The following PPP6R3 variants were observed in gnomAD, a reference collection of about 807,000 sequenced individuals.
The protein encoded by PPP6R3 is serine/threonine-protein phosphatase 6 regulatory subunit 3.
In PPP6R3, 38 loss-of-function variants were observed where a neutral mutation model predicts 110.7. The observed-to-expected ratio is 0.34, with a 90% confidence interval of 0.26 to 0.45. The LOEUF (loss-of-function observed/expected upper bound fraction) is 0.45, where lower values mean the gene tolerates loss of function less well. Among genes scored for constraint, PPP6R3 ranks in the 20% least tolerant of loss-of-function variants. The pLI is 1.00. For missense variants in PPP6R3, 870 were observed against 1,062.4 expected, an observed-to-expected ratio of 0.82 and a Z score of 2.52; for synonymous variants, 369 against 373.5, an observed-to-expected ratio of 0.99 and a Z score of 0.14.
chr11:68,613,348 T>C lies in PPP6R3; in HGVS notation c.*231T>C. The stretch of plus-strand genomic sequence containing the variant: ...AATTTTTGCGTATGTTTATATTGTA[T>C]TGTTCTAAATAATGGGTAGCCTGTG... On this transcript the variant is annotated 3_prime_UTR_variant, in exon 24 of 24. Coordinates refer to ENST00000393800, the MANE Select transcript of PPP6R3 (RefSeq NM_001164161.2). 7.9e-7 allele frequency: 1 copy of C among 1,263,750 alleles called. No homozygotes were observed. Among genetic ancestry groups the C allele is most frequent in the Non-Finnish European group, 1.0e-6 (1 of 1,004,702 alleles). The allele number at this position is 1,263,750 out of a possible 1,614,324, so 78.3% of individuals were successfully genotyped here.
At chr11:68,484,686 C>G (rs1049419708) in intron 1 of PPP6R3, among the ~76,000 whole-genome samples, 1 of 151,894 alleles carries the variant, frequency 6.6e-6, no homozygotes, top group African/African-American at 2.4e-5. Flanking sequence ...CTCCTGAGTT[C>G]AAGTGATTTT....
chr11:68,595,165 T>C (rs140237401), intron 18 of PPP6R3, among the ~76,000 whole-genome samples: 3 of 151,674 alleles, frequency 2.0e-5, no homozygotes, highest in African/African-American at 7.2e-5. Flanking sequence ...AAAGATTTCT[T>C]AGATGTATCA....
intron 1 of PPP6R3, among the ~76,000 whole-genome samples, chr11:68,509,563 C>T (rs537660407): frequency 7.3e-6 from 1 of 136,704 alleles, no homozygotes; most frequent in African/African-American, 2.8e-5. Context: ...ATATTAGATT[C>T]ATAAATTGTT....
In PPP6R3 at chr11:68,613,999, C is replaced by G. The variant is rs192758511; in HGVS notation, c.*882C>G. The G allele has an allele frequency of 6.7e-5, 66 of 983,754 alleles. No individual in the cohort carries two copies. In the East Asian group the frequency reaches 3.1e-3, roughly 47 times the overall value. The allele number at this position is 983,754 out of a possible 1,614,324, so 60.9% of individuals were successfully genotyped here. A position where few individuals can be genotyped will look rare whatever the true frequency, so the allele number is the denominator to read the frequency against. On this transcript the variant is annotated 3_prime_UTR_variant, in exon 24 of 24. Transcript: ENST00000393800. Reference sequence around the variant, plus strand: ...CATTCACCAAAATTTACCTTGTTAACAAGCATCACCAATGAACATTTCAGA... The same window carrying G: ...CATTCACCAAAATTTACCTTGTTAAGAAGCATCACCAATGAACATTTCAGA...
chr11:68,603,396 G>A lies in PPP6R3; in HGVS notation c.2354G>A (p.Ser785Asn), dbSNP rs1439207138. The A allele has an allele frequency of 1.9e-6, 3 of 1,614,068 alleles. No individual in the cohort carries two copies. The highest frequency in any genetic ancestry group is 4.5e-5 in the East Asian group (2 of 44,864). Reference protein sequence around the residue: ...ASSDGEEDAESTDKVTETVMN... With the variant: ...ASSDGEEDAENTDKVTETVMN... The stretch of plus-strand genomic sequence containing the variant: ...TCTGACGGAGAGGAGGATGCAGAAA[G>A]TACAGACAAGGTAACTGAGACAGTG... The change falls in exon 22 of 24, where the codon AGT becomes AAT. Residue 785 changes from serine to asparagine, a missense_variant. Coordinates refer to ENST00000393800, the MANE Select transcript of PPP6R3 (RefSeq NM_001164161.2).
At position 68,610,828 on chromosome 11, in the gene PPP6R3, G is replaced by A. The variant is rs1226320480; in HGVS notation, c.2570+805G>A. Among the ~76,000 whole-genome samples, 6 of 152,180 alleles carry A rather than the reference G, an allele frequency of 3.9e-5. 1 individual carries two copies. Among genetic ancestry groups the A allele is most frequent in the Admixed American group, 3.3e-4 (5 of 15,276 alleles). ...AAATGACCTTTAAAGCTATTTCAGAGAAGTTTTAACCCCCCACCCCCACCC... is the reference window on the plus strand; with the variant it reads ...AAATGACCTTTAAAGCTATTTCAGAAAAGTTTTAACCCCCCACCCCCACCC... On this transcript the variant is annotated intron_variant, in intron 23 of 23. Transcript: ENST00000393800.
At chr11:68,506,389 A>T in intron 1 of PPP6R3, among the ~76,000 whole-genome samples, 1 of 133,560 alleles carries the variant, frequency 7.5e-6, no homozygotes, top group Admixed American at 8.3e-5. Context: ...ATGGGCATGA[A>T]CTGCTGCACC....
At chr11:68,518,821 C>G (rs576499842) in intron 1 of PPP6R3, among the ~76,000 whole-genome samples, 1 of 152,170 alleles carries the variant, frequency 6.6e-6, no homozygotes, top group Non-Finnish European at 1.5e-5. Context: ...TTTGGAAATG[C>G]CTTGTAGATT....
rs2153869869 is a variant in PPP6R3, at chr11:68,591,473, T to C, written c.1786-103T>C. On this transcript the variant is annotated intron_variant, in intron 17 of 23. Coordinates refer to ENST00000393800, the MANE Select transcript of PPP6R3 (RefSeq NM_001164161.2). ...TTTGGTGTATGTGATAGGCACCATATTGTAAAGCAGTGAAAAAATGCAATT... is the reference window on the plus strand; with the variant it reads ...TTTGGTGTATGTGATAGGCACCATACTGTAAAGCAGTGAAAAAATGCAATT... 4.5e-6 allele frequency: 5 copies of C among 1,105,206 alleles called. No homozygotes were observed. The South Asian group carries it at 5.2e-5, about 11-fold the overall frequency. 68.5% of individuals were successfully genotyped at this position (1,105,206 alleles called of 1,614,324 possible).
chr11:68,515,805 A>G (rs932137800), intron 1 of PPP6R3, among the ~76,000 whole-genome samples: 4 of 152,206 alleles, frequency 2.6e-5, no homozygotes, highest in Non-Finnish European at 4.4e-5. Flanking sequence ...ACTTCAACAT[A>G]TGAGTGGAAG....
At chr11:68,564,535 G>T in intron 9 of PPP6R3, 103 bp downstream of exon 9, 1 of 1,297,622 alleles carries the variant, frequency 7.7e-7, no homozygotes. Context: ...GCTGTGGTCT[G>T]CATGTACAAA....
intron 15 of PPP6R3, among the ~76,000 whole-genome samples, chr11:68,583,696 T>G (rs2099569614): frequency 6.6e-6 from 1 of 152,224 alleles, no homozygotes; most frequent in South Asian, 2.1e-4. Flanking sequence ...ATAAATGTAC[T>G]GATTTATCAT....
intron 22 of PPP6R3, among the ~76,000 whole-genome samples, chr11:68,604,987 A>G (rs1938705438): frequency 6.6e-6 from 1 of 152,210 alleles, no homozygotes; most frequent in Admixed American, 6.5e-5. Context: ...GAGAGCCAGG[A>G]ATAGCCAAAA....
Position 68,488,184 on chromosome 11 carries a change from T to A in PPP6R3, c.-158+27357T>A, listed in dbSNP as rs144651906. Reference sequence around the variant, plus strand: ...TCTGCAATTAATACAGCTACTCTTGTTAACTTTTGATTAGAGTTAACATGA... The same window carrying A: ...TCTGCAATTAATACAGCTACTCTTGATAACTTTTGATTAGAGTTAACATGA... On this transcript the variant is annotated intron_variant, in intron 1 of 23. Transcript: ENST00000393800. Among the ~76,000 whole-genome samples the A allele has an allele frequency of 2.2e-3, 333 of 152,364 alleles. 2 individuals carry two copies. Among genetic ancestry groups the A allele is most frequent in the African/African-American group, 7.6e-3 (316 of 41,590 alleles).
intron 1 of PPP6R3, among the ~76,000 whole-genome samples, chr11:68,498,614 T>A (rs1592084283): frequency 6.6e-6 from 1 of 152,338 alleles, no homozygotes; most frequent in East Asian, 1.9e-4. Context: ...GTAGGTACTC[T>A]TGTGTCTTTC....
At position 68,615,070 on chromosome 11, in the gene PPP6R3, C is replaced by A. The variant is rs1217073808; in HGVS notation, c.*1953C>A. On this transcript the variant is annotated 3_prime_UTR_variant, in exon 24 of 24. Coordinates refer to ENST00000393800, the MANE Select transcript of PPP6R3 (RefSeq NM_001164161.2). Reference sequence around the variant, plus strand: ...GTGTCTTGCTTCATCCCACTGACTGCTGGGAGAGAGCCTCTGGGACTTTTC... The same window carrying A: ...GTGTCTTGCTTCATCCCACTGACTGATGGGAGAGAGCCTCTGGGACTTTTC... 1 of 476,078 alleles carries A rather than the reference C, an allele frequency of 2.1e-6. No individual in the cohort carries two copies. Among genetic ancestry groups the A allele is most frequent in the Non-Finnish European group, 4.2e-6 (1 of 240,084 alleles). The allele number at this position is 476,078 out of a possible 1,614,324, so 29.5% of individuals were successfully genotyped here.
intron 1 of PPP6R3, among the ~76,000 whole-genome samples, chr11:68,478,649 T>TTGTTTTTG (rs2098862663): frequency 1.1e-4 from 11 of 102,040 alleles, no homozygotes; most frequent in Admixed American, 8.2e-4. Flanking sequence ...CTTGGTAAGT[T>TTGTTTTTG]TTTTTTTTTT....
intron 10 of PPP6R3, among the ~76,000 whole-genome samples, 197 bp downstream of exon 10, chr11:68,567,363 T>A (rs1403608212): frequency 2.0e-5 from 3 of 152,238 alleles, no homozygotes; most frequent in Non-Finnish European, 4.4e-5. Flanking sequence ...GCATCTACTG[T>A]TGCTTTATAT....
At chr11:68,495,450 T>G (rs1481994212) in intron 1 of PPP6R3, among the ~76,000 whole-genome samples, 1 of 152,222 alleles carries the variant, frequency 6.6e-6, no homozygotes, top group Non-Finnish European at 1.5e-5. Flanking sequence ...ATATTTTCAT[T>G]ATTCCACAGG....
Sources: allele counts gnomAD v4.1 joint callset (sites outside exome capture counted in the v4.1 genomes callset), GRCh38; gene constraint gnomAD v4.1.1; transcripts MANE v1.5; gene names NCBI Gene and HGNC (gene_info 2026-07-23, HGNC 2026-07-21).